Variants in CACNB2 observed in about 807,000 individuals in gnomAD.
The protein encoded by CACNB2 is calcium voltage-gated channel auxiliary subunit beta 2.
In CACNB2, 42 loss-of-function variants were observed where a neutral mutation model predicts 73.3. The observed-to-expected ratio is 0.57, with a 90% CI of 0.45 to 0.74. The LOEUF (loss-of-function observed/expected upper bound fraction) is 0.74. Ranked by LOEUF, CACNB2 falls within the 30% of genes least tolerant of loss-of-function variation. CACNB2 has a pLI of 0.00. For synonymous variants in CACNB2, 348 were observed against 310.3 expected (o/e 1.12, Z -1.28); for missense variants, 940 against 853.0 (o/e 1.10, Z -1.27).
chr10:18,504,595 A>G (rs2050385353), intron 5 of CACNB2, among the ~76,000 whole-genome samples: 1 of 151,986 alleles, frequency 6.6e-6, no homozygotes, highest in Admixed American at 6.6e-5. Context: ...AAGTATGTGA[A>G]AATACTTTTA....
rs1043833312 is a variant in CACNB2 at position 18,495,907 on chromosome 10, G to A, written c.334-2448G>A. The stretch of plus-strand genomic sequence containing the variant: ...TAAATAAATGTACACATTTATTTAC[G>A]TGTATTTTTAATTCCCATAATTCCA... On this transcript the variant is annotated intron_variant, in intron 3 of 13. Coordinates refer to ENST00000324631, the MANE Select transcript of CACNB2 (RefSeq NM_201596.3). Among the ~76,000 whole-genome samples, 6 of 151,752 alleles carry A rather than the reference G, an allele frequency of 4.0e-5. No homozygotes were observed. In the South Asian group the frequency reaches 6.2e-4, roughly 16 times the overall value.
At chr10:18,275,886 G>T (rs550348430) in intron 2 of CACNB2, among the ~76,000 whole-genome samples, 2 of 152,252 alleles carry the variant, frequency 1.3e-5, no homozygotes, top group East Asian at 3.9e-4. Flanking sequence ...TTTACTATCA[G>T]TTGTTATTAG....
Position 18,149,573 on chromosome 10 carries a change from C to T in CACNB2, c.121-1310C>T, listed in dbSNP as rs111541360. ...GCAAATTCGTCTAAATTACTCATAA[C>T]GCAAATGTTTGTAATAGATTTCAGC... On this transcript the variant is annotated intron_variant, in intron 1 of 13. Transcript: ENST00000324631. 4.7e-3 allele frequency among the ~76,000 whole-genome samples: 712 copies of T among 152,194 alleles called. 6 individuals carry two copies. The highest frequency in any genetic ancestry group is 0.016 in the African/African-American group (655 of 41,518).
intron 2 of CACNB2, among the ~76,000 whole-genome samples, chr10:18,243,308 T>C (rs1482128217): frequency 6.6e-6 from 1 of 151,846 alleles, no homozygotes; most frequent in Admixed American, 6.6e-5. Flanking sequence ...TAAGGGGAAA[T>C]AAAGGTGATT....
At chr10:18,314,778 G>A (rs1222444219) in intron 2 of CACNB2, among the ~76,000 whole-genome samples, 1 of 152,160 alleles carries the variant, frequency 6.6e-6, no homozygotes, top group Non-Finnish European at 1.5e-5. Context: ...AATAAAAGAT[G>A]TTTGTTTGAT....
intron 3 of CACNB2, among the ~76,000 whole-genome samples, chr10:18,408,680 A>G (rs955974561): frequency 6.6e-6 from 1 of 152,166 alleles, no homozygotes; most frequent in Non-Finnish European, 1.5e-5. Flanking sequence ...CTTGGGAGGA[A>G]ATCCCAGTTT....
chr10:18,523,734 G>A (rs540720768), intron 9 of CACNB2, among the ~76,000 whole-genome samples: 3 of 152,194 alleles, frequency 2.0e-5, no homozygotes, highest in African/African-American at 7.2e-5. Flanking sequence ...CAGCAATAGA[G>A]GATGGAAATT....
intron 2 of CACNB2, among the ~76,000 whole-genome samples, chr10:18,274,061 A>G (rs1394545177): frequency 2.0e-5 from 3 of 152,194 alleles, no homozygotes; most frequent in African/African-American, 7.2e-5. Flanking sequence ...GGGTCCTACT[A>G]ACCTCTAACT....
At chr10:18,265,268 T>C (rs1173895509) in intron 2 of CACNB2, among the ~76,000 whole-genome samples, 1 of 149,732 alleles carries the variant, frequency 6.7e-6, no homozygotes, top group Non-Finnish European at 1.5e-5. Flanking sequence ...GCCTCCTGAC[T>C]ACAAGTGCCC....
chr10:18,151,272 TG>T lies in CACNB2; in HGVS notation c.213+298del, dbSNP rs143631226. The T allele has an allele frequency of 7.3e-3, 2,191 of 298,992 alleles. 72 individuals are homozygous for T. In the East Asian group the frequency reaches 0.093, roughly 13 times the overall value. 18.5% of individuals were successfully genotyped at this position (298,992 alleles called of 1,614,324 possible). Reference sequence around the variant, plus strand: ...GAAATGATTATGGATTTGGGGGGATTGTTTTTTTTTTTTTTCAGTGGGACAG... The same window carrying T: ...GAAATGATTATGGATTTGGGGGGATTTTTTTTTTTTTTTTCAGTGGGACAG... On this transcript the variant is annotated intron_variant, in intron 2 of 13. Transcript: ENST00000324631.
intron 3 of CACNB2, among the ~76,000 whole-genome samples, chr10:18,418,743 G>T (rs1411949119): frequency 6.6e-6 from 1 of 152,076 alleles, no homozygotes; most frequent in Non-Finnish European, 1.5e-5. Flanking sequence ...AATGTGTTCT[G>T]ACCACAGGGC....
intron 2 of CACNB2, among the ~76,000 whole-genome samples, chr10:18,263,922 T>C (rs1163647525): frequency 6.6e-6 from 1 of 152,244 alleles, no homozygotes; most frequent in African/African-American, 2.4e-5. Context: ...CTTCATTCTT[T>C]TGTTTACTCC....
chr10:18,454,395 A>G (rs983431774), intron 3 of CACNB2, among the ~76,000 whole-genome samples: 23 of 152,276 alleles, frequency 1.5e-4, no homozygotes, highest in South Asian at 8.3e-4. Flanking sequence ...TTTTTTCCTA[A>G]TCACCATCCC....
At chr10:18,411,646 T>C (rs2044635748) in intron 3 of CACNB2, among the ~76,000 whole-genome samples, 1 of 151,952 alleles carries the variant, frequency 6.6e-6, no homozygotes, top group Non-Finnish European at 1.5e-5. Flanking sequence ...GTAGCTGGGA[T>C]TGCAGGCACC....
In CACNB2 at chr10:18,140,525, G is replaced by C. The variant is rs2030269868; in HGVS notation, c.-212G>C. Among the ~76,000 whole-genome samples, 1 of 151,638 alleles carries C rather than the reference G, an allele frequency of 6.6e-6. No individual in the cohort carries two copies. The highest frequency in any genetic ancestry group is 1.5e-5 in the Non-Finnish European group (1 of 67,874). On this transcript the variant is annotated 5_prime_UTR_variant, in exon 1 of 14. Transcript: ENST00000324631. ...CCGCGTCCCGCCTCCCGAGCGGCTC[G>C]CTTCGCCCGATGCCCCGGCCCCGTC... is the stretch of plus-strand genomic sequence containing the variant.
intron 2 of CACNB2, among the ~76,000 whole-genome samples, chr10:18,319,177 G>A (rs2040304573): frequency 6.6e-6 from 1 of 152,128 alleles, no homozygotes. Flanking sequence ...GTTCACAATA[G>A]CAAAGACTTG....
chr10:18,234,801 T>C (rs1426819274), intron 2 of CACNB2, among the ~76,000 whole-genome samples: 1 of 152,166 alleles, frequency 6.6e-6, no homozygotes, highest in South Asian at 2.1e-4. Flanking sequence ...GTGGTGATGA[T>C]TGCACTATGA....
chr10:18,454,383 G>GT (rs1554822533), intron 3 of CACNB2, among the ~76,000 whole-genome samples: 1 of 152,166 alleles, frequency 6.6e-6, no homozygotes, highest in Non-Finnish European at 1.5e-5. Flanking sequence ...TTTCTAGGCA[G>GT]TTTTTTTCCT....
At chr10:18,464,342 G>T (rs2047744859) in intron 3 of CACNB2, among the ~76,000 whole-genome samples, 1 of 144,870 alleles carries the variant, frequency 6.9e-6, no homozygotes. Context: ...GCCTAAGGAG[G>T]TCGAGGCTGC....
Sources: allele counts gnomAD v4.1 joint callset (sites outside exome capture counted in the v4.1 genomes callset), GRCh38; gene constraint gnomAD v4.1.1; transcripts MANE v1.5; gene names NCBI Gene and HGNC (gene_info 2026-07-23, HGNC 2026-07-21).